The following PSMA6 variants were observed in gnomAD, a reference collection of about 807,000 sequenced individuals.
PSMA6 encodes proteasome 20S subunit alpha 6.
For missense variants in PSMA6, 170 were observed against 294.8 expected, an observed-to-expected ratio of 0.58 and a Z score of 3.10; for synonymous variants, 88 against 97.7, an observed-to-expected ratio of 0.90 and a Z score of 0.59.
intron 1 of PSMA6, among the ~76,000 whole-genome samples, chr14:35,297,784 T>C (rs1354595249): frequency 2.6e-5 from 4 of 152,188 alleles, no homozygotes; most frequent in African/African-American, 9.6e-5. Flanking sequence ...GTGTGAGCCA[T>C]TGTCTTGCAT....
At chr14:35,293,272 G>C (rs1331971161) in intron 1 of PSMA6, 1 of 326,536 alleles carries the variant, frequency 3.1e-6, no homozygotes, top group Admixed American at 4.1e-5. Context: ...CTGAGTTGTA[G>C]ATGAGGTACT....
At chr14:35,289,967 G>A (rs1176824974), upstream of PSMA6, among the ~76,000 whole-genome samples, 3 of 149,956 alleles carry the variant, frequency 2.0e-5, no homozygotes, top group Non-Finnish European at 3.0e-5. Flanking sequence ...ACAAATGAAG[G>A]CAGAGGGGGA....
At chr14:35,288,176 T>A (rs957707888), upstream of PSMA6, among the ~76,000 whole-genome samples, 1 of 152,246 alleles carries the variant, frequency 6.6e-6, no homozygotes, top group Admixed American at 6.5e-5. Flanking sequence ...AGGCACTGTT[T>A]GGTATTGAGG....
intron 1 of PSMA6, among the ~76,000 whole-genome samples, chr14:35,302,597 A>G (rs554880468): frequency 2.0e-5 from 3 of 151,828 alleles, no homozygotes; most frequent in South Asian, 4.2e-4. Flanking sequence ...ATTTTTAGCC[A>G]TTATTTCTTC....
intron 6 of PSMA6, 93 bp downstream of exon 6, chr14:35,314,548 A>G: frequency 7.4e-7 from 1 of 1,360,222 alleles, no homozygotes; most frequent in East Asian, 2.8e-5. Context: ...TTTTTTCTTT[A>G]ACTGTCATTA....
rs367618098 is a variant in PSMA6 at position 35,300,738 on chromosome 14, G to A, written c.77-7256G>A. Among the ~76,000 whole-genome samples the A allele has an allele frequency of 2.0e-4, 30 of 152,100 alleles. No homozygotes were observed. In the East Asian group the frequency reaches 4.6e-3, roughly 24 times the overall value. Reference sequence around the variant, plus strand: ...CAGTCTTGTTTTCTCCCTTTCCCACGCACTTTCCCCGCTCTTCTAGAGTAC... The same window carrying A: ...CAGTCTTGTTTTCTCCCTTTCCCACACACTTTCCCCGCTCTTCTAGAGTAC... On this transcript the variant is annotated intron_variant, in intron 1 of 6. Transcript: ENST00000261479.
intron 1 of PSMA6, among the ~76,000 whole-genome samples, chr14:35,294,701 C>T (rs1221072103): frequency 6.6e-6 from 1 of 151,874 alleles, no homozygotes; most frequent in Non-Finnish European, 1.5e-5. Context: ...ATTCTTTGGC[C>T]CCCCCTTTTT....
At chr14:35,307,449 T>C (rs919355742) in intron 1 of PSMA6, among the ~76,000 whole-genome samples, 2 of 152,044 alleles carry the variant, frequency 1.3e-5, no homozygotes, top group South Asian at 2.1e-4. Context: ...AAACCATTAT[T>C]GGGGCGGGGA....
intron 1 of PSMA6, among the ~76,000 whole-genome samples, chr14:35,304,396 A>G (rs143932276): frequency 1.4e-4 from 22 of 152,280 alleles, no homozygotes; most frequent in Non-Finnish European, 3.1e-4. Flanking sequence ...CCTAGAACCA[A>G]TCCCCACAAA....
chr14:35,285,355 C>CAA (rs3058486), intron 1 of PSMA6, among the ~76,000 whole-genome samples: 100,148 of 141,760 alleles, frequency 0.71, 35,830 homozygotes, highest in East Asian at 0.92. Context: ...AAACAAAAAA[C>CAA]AAAAAAAAAA....
At chr14:35,313,172 A>G in intron 5 of PSMA6, 113 bp downstream of exon 5, 2 of 1,021,742 alleles carry the variant, frequency 2.0e-6, no homozygotes, top group Non-Finnish European at 2.7e-6. Flanking sequence ...TCAAGTTGTC[A>G]ACTTAATAAT....
chr14:35,301,040 G>A (rs1290196470), intron 1 of PSMA6, among the ~76,000 whole-genome samples: 2 of 152,250 alleles, frequency 1.3e-5, no homozygotes, highest in East Asian at 3.9e-4. Flanking sequence ...CTAGGTTATA[G>A]CTAAATCTCT....
At chr14:35,311,110 T>TA (rs2051935489) in intron 4 of PSMA6, 1 of 439,156 alleles carries the variant, frequency 2.3e-6, no homozygotes, top group Admixed American at 4.1e-5. Flanking sequence ...TTAGACTTTT[T>TA]ATCAAAGTAT....
chr14:35,301,459 A>G (rs1488510809), intron 1 of PSMA6, among the ~76,000 whole-genome samples: 3 of 151,844 alleles, frequency 2.0e-5, no homozygotes, highest in Non-Finnish European at 4.4e-5. Context: ...GCGAGCCAAG[A>G]TTGCTCCACT....
At chr14:35,312,768 C>T in intron 4 of PSMA6, 113 bp from the exon 5 acceptor site, 2 of 947,296 alleles carry the variant, frequency 2.1e-6, no homozygotes, top group Non-Finnish European at 3.0e-6. Flanking sequence ...AATACATATC[C>T]TAAAATTGAT....
At chr14:35,289,457 G>A (rs902577505), upstream of PSMA6, among the ~76,000 whole-genome samples, 7 of 151,912 alleles carry the variant, frequency 4.6e-5, no homozygotes, top group South Asian at 2.1e-4. Flanking sequence ...AACCTCTCCC[G>A]AGTAGCTGGG....
At chr14:35,317,199 T>A in intron 6 of PSMA6, 50 bp from the exon 7 acceptor site, 1 of 1,513,974 alleles carries the variant, frequency 6.6e-7, no homozygotes, top group Non-Finnish European at 9.2e-7. Context: ...TACGTGTGTT[T>A]GAAAAAATTT....
At chr14:35,289,430 A>C (rs1217815507), upstream of PSMA6, among the ~76,000 whole-genome samples, 2 of 152,048 alleles carry the variant, frequency 1.3e-5, no homozygotes, top group Non-Finnish European at 1.5e-5. Flanking sequence ...CCCAGGCTCA[A>C]GCGATTCTCC....
At chr14:35,310,708 A>C (rs2051928019) in intron 3 of PSMA6, 32 bp from the exon 4 acceptor site, 1 of 1,609,750 alleles carries the variant, frequency 6.2e-7, no homozygotes, top group African/African-American at 1.3e-5. Flanking sequence ...TTTCCTTCTA[A>C]CCAGGTAAAT....
Sources: gnomAD v4.1 joint callset for allele counts (sites outside exome capture counted in the v4.1 genomes callset) on GRCh38, gnomAD v4.1.1 for gene constraint, MANE v1.5 for transcripts, NCBI Gene and HGNC (gene_info 2026-07-23, HGNC 2026-07-21) for gene names.